Variants in ITGB6 observed in about 807,000 individuals in gnomAD.
ITGB6 encodes integrin subunit beta 6.
ITGB6 carries 80 observed loss-of-function variants against 84.5 expected under a neutral mutation model. The observed-to-expected ratio is 0.95, with a 90% CI of 0.79 to 1.14. ITGB6 has a LOEUF of 1.14. ITGB6 is among the 50% of genes most tolerant of loss of function. The pLI is 0.00. For missense variants in ITGB6, 1,006 were observed against 968.0 expected (o/e 1.04, Z -0.52); for synonymous variants, 383 against 354.9 (o/e 1.08, Z -0.89).
intron 12 of ITGB6, among the ~76,000 whole-genome samples, chr2:160,113,231 C>T (rs1023949186): frequency 6.6e-6 from 1 of 152,188 alleles, no homozygotes; most frequent in African/African-American, 2.4e-5. Flanking sequence ...AGACTTATAA[C>T]CTCTCCCATT....
intron 11 of ITGB6, among the ~76,000 whole-genome samples, 174 bp downstream of exon 11, chr2:160,126,205 T>C (rs879674992): frequency 4.6e-5 from 7 of 152,146 alleles, no homozygotes; most frequent in Non-Finnish European, 8.8e-5. Flanking sequence ...AAGCGAGAGA[T>C]TGATGTTCCA....
Position 160,112,100 on chromosome 2 carries a change from A to T in ITGB6, c.2081T>A (p.Ile694Asn). The T allele has an allele frequency of 6.2e-7, 1 of 1,613,318 alleles. No individual in the cohort carries two copies. Among genetic ancestry groups the T allele is most frequent in the South Asian group, 1.1e-5 (1 of 90,808 alleles). ...CCCACCTTTTTCATTGATGCTGTGAATGATGGTTTTCCCCTCATTATCTGT... is the reference window on the plus strand; with the variant it reads ...CCCACCTTTTTCATTGATGCTGTGATTGATGGTTTTCCCCTCATTATCTGT... ...ITTDNEGKTI[I>N]HSINEKDCPK... is the part of the protein sequence containing the mutation. The change falls in exon 13 of 15, where the codon ATT becomes AAT. Residue 694 changes from isoleucine (I) to asparagine (N), a missense_variant. Ile to Asn is a moderately radical substitution (Grantham distance 149). Transcript: ENST00000283249.
In ITGB6 at chr2:160,102,850, G is replaced by A. The variant is rs150962974; in HGVS notation, c.2269-1016C>T. On this transcript the variant is annotated intron_variant, in intron 14 of 14. Transcript: ENST00000283249. Reference sequence around the variant, plus strand: ...CATGACCGTACTGAAGACACTCTGAGCCTTGGTGTCCCTATCTGTTCCTAC... The same window carrying A: ...CATGACCGTACTGAAGACACTCTGAACCTTGGTGTCCCTATCTGTTCCTAC... Among the ~76,000 whole-genome samples, 407 of 152,310 alleles carry A rather than the reference G, an allele frequency of 2.7e-3. 2 individuals are homozygous for A. Among genetic ancestry groups the A allele is most frequent in the African/African-American group, 9.1e-3 (378 of 41,570 alleles).
chr2:160,163,979 C>A lies in ITGB6; in HGVS notation c.1017+5233G>T, dbSNP rs1407192052. 3.3e-5 allele frequency among the ~76,000 whole-genome samples: 5 copies of A among 152,274 alleles called. No homozygotes were observed. The East Asian group carries it at 5.8e-4, about 18-fold the overall frequency. On this transcript the variant is annotated intron_variant, in intron 7 of 14. Coordinates refer to ENST00000283249, the MANE Select transcript of ITGB6 (RefSeq NM_000888.5). ...TAAAGTGAAGGGCTTGGTCCAACAC[C>A]ATGATATTGTTAGCATCAAAAGCAG...
intron 4 of ITGB6, among the ~76,000 whole-genome samples, chr2:160,178,370 G>A (rs1486060700): frequency 6.6e-6 from 1 of 152,076 alleles, no homozygotes; most frequent in Non-Finnish European, 1.5e-5. Context: ...TATTATTTGG[G>A]GCTACTGGTT....
rs372958595 is a variant in ITGB6 at position 160,116,776 on chromosome 2, G to A, written c.1982-4577C>T. Among the ~76,000 whole-genome samples, 1,348 of 152,088 alleles carry A rather than the reference G, an allele frequency of 8.9e-3. 26 individuals carry two copies. Among genetic ancestry groups the A allele is most frequent in the African/African-American group, 0.029 (1,192 of 41,462 alleles). ...GCTGTATTCAGGAAACCCATCTCACGGGCAGAGACACACATAGGCTCAAAA... is the reference window on the plus strand; with the variant it reads ...GCTGTATTCAGGAAACCCATCTCACAGGCAGAGACACACATAGGCTCAAAA... On this transcript the variant is annotated intron_variant, in intron 12 of 14. Coordinates refer to ENST00000283249, the MANE Select transcript of ITGB6 (RefSeq NM_000888.5).
At chr2:160,176,727 A>G (rs758587482) in intron 4 of ITGB6, among the ~76,000 whole-genome samples, 1 of 152,358 alleles carries the variant, frequency 6.6e-6, no homozygotes, top group Admixed American at 6.5e-5. Flanking sequence ...GGATTTGGCT[A>G]ATGGTATCTC....
intron 4 of ITGB6, among the ~76,000 whole-genome samples, chr2:160,178,171 G>A (rs1056068025): frequency 1.3e-5 from 2 of 152,154 alleles, no homozygotes; most frequent in African/African-American, 4.8e-5. Context: ...CACTGTGCCC[G>A]GCCAGTTATC....
At position 160,107,797 on chromosome 2, in the gene ITGB6, A is replaced by G; in HGVS notation, c.2150T>C (p.Leu717Pro). The G allele has an allele frequency of 6.2e-7, 1 of 1,613,992 alleles. No homozygotes were observed. ...NIPMIMLGVS[L>P]AILLIGVVLL... Reference sequence around the variant, plus strand: ...GACAACCCCGATGAGAAGAATAGCCAGGGAAACCCCTAACATGATCATGGG... The same window carrying G: ...GACAACCCCGATGAGAAGAATAGCCGGGGAAACCCCTAACATGATCATGGG... Residue 717 changes from leucine to proline, a missense_variant, in exon 14 of 15, where the codon CTG (leucine) becomes CCG (proline). Transcript: ENST00000283249.
intron 4 of ITGB6, among the ~76,000 whole-genome samples, chr2:160,183,782 C>T (rs913401715): frequency 1.3e-5 from 2 of 152,188 alleles, no homozygotes; most frequent in Admixed American, 6.5e-5. Context: ...GAAATCATAA[C>T]AAACAGTCTC....
chr2:160,194,888 A>G (rs1280764667), intron 4 of ITGB6, among the ~76,000 whole-genome samples: 1 of 152,004 alleles, frequency 6.6e-6, no homozygotes, highest in East Asian at 1.9e-4. Context: ...TCCAAGCAAT[A>G]AGAGAAACCA....
intron 8 of ITGB6, 31 bp downstream of exon 8, chr2:160,141,951 C>CA: frequency 2.1e-6 from 3 of 1,400,466 alleles, no homozygotes; most frequent in Non-Finnish European, 3.0e-6. Flanking sequence ...CAAAGAAATG[C>CA]AAAAAAGAAG....
rs1696674783 is a variant in ITGB6, at chr2:160,100,496, T to A, written c.*1240A>T. On this transcript the variant is annotated 3_prime_UTR_variant, in exon 15 of 15. Transcript: ENST00000283249. ...ATGGCTTGGAGTTAGAAGAGCTAGA[T>A]TCTGAACCCAGCTCTACTCATTCTG... 1 of 152,220 alleles carries A rather than the reference T, an allele frequency of 6.6e-6. No individual in the cohort carries two copies. The highest frequency in any genetic ancestry group is 2.1e-4 in the South Asian group (1 of 4,822). 9.4% of individuals were successfully genotyped at this position (152,220 alleles called of 1,614,324 possible). A position where few individuals can be genotyped will look rare whatever the true frequency, so the allele number is the denominator to read the frequency against.
At chr2:160,105,284 T>G (rs1002991966) in intron 14 of ITGB6, among the ~76,000 whole-genome samples, 1 of 152,188 alleles carries the variant, frequency 6.6e-6, no homozygotes, top group African/African-American at 2.4e-5. Context: ...GCATGTTAGA[T>G]GAAGAAACAG....
At chr2:160,162,899 G>A (rs1369404771) in intron 7 of ITGB6, among the ~76,000 whole-genome samples, 1 of 152,184 alleles carries the variant, frequency 6.6e-6, no homozygotes, top group Non-Finnish European at 1.5e-5. Flanking sequence ...GATTACAGGC[G>A]TGAGCCACTG....
intron 4 of ITGB6, among the ~76,000 whole-genome samples, chr2:160,186,755 C>G (rs1393790651): frequency 6.6e-6 from 1 of 152,090 alleles, no homozygotes; most frequent in African/African-American, 2.4e-5. Flanking sequence ...GAAAATATGG[C>G]ACATATACAC....
chr2:160,163,449 T>C (rs1684891378), intron 7 of ITGB6, among the ~76,000 whole-genome samples: 1 of 152,094 alleles, frequency 6.6e-6, no homozygotes, highest in Non-Finnish European at 1.5e-5. Flanking sequence ...CTGGCCAACA[T>C]GGTGAAACCC....
At chr2:160,121,912 G>A (rs1320617269) in intron 12 of ITGB6, among the ~76,000 whole-genome samples, 1 of 150,014 alleles carries the variant, frequency 6.7e-6, no homozygotes, top group African/African-American at 2.5e-5. Flanking sequence ...CTCCTGGGGA[G>A]TAAAATACTC....
chr2:160,192,990 G>A (rs546613492), intron 4 of ITGB6, among the ~76,000 whole-genome samples: 9 of 152,236 alleles, frequency 5.9e-5, no homozygotes, highest in African/African-American at 1.9e-4. Context: ...ACAACATCAA[G>A]TGTCAGTAAG....
Sources: allele counts gnomAD v4.1 joint callset (sites outside exome capture counted in the v4.1 genomes callset), GRCh38; gene constraint gnomAD v4.1.1; transcripts MANE v1.5; gene names NCBI Gene and HGNC (gene_info 2026-07-23, HGNC 2026-07-21).